The following RBFOX1 variants were observed in gnomAD, a reference collection of about 807,000 sequenced individuals.
RBFOX1 encodes RNA binding fox-1 homolog 1, also known as RNA binding protein fox-1 homolog 1.
Under a neutral mutation model 57.7 loss-of-function variants are expected in RBFOX1, and 8 were observed. That is an observed-to-expected ratio of 0.14 (90% CI 0.08 to 0.25). RBFOX1 has a LOEUF of 0.25. RBFOX1 is among the 10% of genes least tolerant of loss of function. The probability of loss-of-function intolerance (pLI) is 1.00; values close to 1 mark genes in which losing one functional copy is unlikely to be tolerated. For missense variants in RBFOX1, 611 were observed against 548.5 expected, an observed-to-expected ratio of 1.11 and a Z score of -1.14; for synonymous variants, 326 against 222.4, an observed-to-expected ratio of 1.47 and a Z score of -4.15.
intron 3 of RBFOX1, among the ~76,000 whole-genome samples, chr16:5,752,003 G>A (rs776280691): frequency 3.9e-5 from 6 of 152,136 alleles, no homozygotes; most frequent in African/African-American, 7.2e-5. Flanking sequence ...ATTCACAATA[G>A]CAAAGACATG....
intron 1 of RBFOX1, among the ~76,000 whole-genome samples, chr16:6,119,910 C>G (rs550336485): frequency 2.0e-5 from 3 of 152,308 alleles, no homozygotes; most frequent in African/African-American, 7.2e-5. Context: ...TAGAAGGAGA[C>G]CCTGTATCCA....
chr16:6,533,585 T>TC (rs112011723), intron 2 of RBFOX1, among the ~76,000 whole-genome samples: 3,575 of 146,730 alleles, frequency 0.024, 68 homozygotes, highest in African/African-American at 0.056. Flanking sequence ...AGTCAAGTGA[T>TC]TTTTTTTTTT....
chr16:6,718,327 C>A (rs1197946845), intron 3 of RBFOX1, among the ~76,000 whole-genome samples: 1 of 152,142 alleles, frequency 6.6e-6, no homozygotes, highest in East Asian at 1.9e-4. Flanking sequence ...TTAGTAAATA[C>A]ACTACAACTT....
intron 3 of RBFOX1, among the ~76,000 whole-genome samples, chr16:6,808,080 C>T (rs983620064): frequency 6.7e-6 from 1 of 148,850 alleles, no homozygotes; most frequent in African/African-American, 2.5e-5. Context: ...TATATATAAT[C>T]ATACTCAATA....
Position 6,393,095 on chromosome 16 carries a change from T to C in RBFOX1, c.-64+76038T>C, listed in dbSNP as rs78623781. Among the ~76,000 whole-genome samples the C allele has an allele frequency of 3.9e-4, 60 of 152,350 alleles. No individual in the cohort carries two copies. The East Asian group carries it at 7.3e-3, about 19-fold the overall frequency. On this transcript the variant is annotated intron_variant, in intron 2 of 15. Transcript: ENST00000550418. Reference sequence around the variant, plus strand: ...CATACTTACACTTTCCTTTGAAATTTGTGTTTGGGAGGCTTTAACTATGAG... The same window carrying C: ...CATACTTACACTTTCCTTTGAAATTCGTGTTTGGGAGGCTTTAACTATGAG...
In RBFOX1 at chr16:5,759,370, G is replaced by T. The variant is rs190161817; in HGVS notation, c.319-107933G>T. Among the ~76,000 whole-genome samples the T allele has an allele frequency of 7.8e-4, 119 of 152,204 alleles. 1 individual carries two copies. The highest frequency in any genetic ancestry group is 2.6e-3 in the African/African-American group (110 of 41,528). On this transcript the variant is annotated intron_variant, in intron 3 of 19. Transcript: ENST00000641259. Reference sequence around the variant, plus strand: ...TTCTGATGCTTGTATTTCCTTGGTGGATCCTCCTCCACGTCTCTCACCACC... The same window carrying T: ...TTCTGATGCTTGTATTTCCTTGGTGTATCCTCCTCCACGTCTCTCACCACC...
At chr16:5,581,303 G>C (rs2077137) in intron 2 of RBFOX1, among the ~76,000 whole-genome samples, 150,020 of 152,364 alleles carry the variant, frequency 0.98, 73,872 homozygotes, top group East Asian at 1. Flanking sequence ...GGCGGAGACA[G>C]AGGTCCTAAC....
chr16:6,900,655 C>T (rs2068241925), intron 3 of RBFOX1, among the ~76,000 whole-genome samples: 2 of 152,206 alleles, frequency 1.3e-5, no homozygotes, highest in South Asian at 2.1e-4. Flanking sequence ...CCCTTCTTGA[C>T]CTCGTCCCAC....
intron 3 of RBFOX1, among the ~76,000 whole-genome samples, chr16:5,635,888 A>C (rs916918056): frequency 6.6e-6 from 1 of 152,176 alleles, no homozygotes; most frequent in Non-Finnish European, 1.5e-5. Flanking sequence ...CCAGCTAGAC[A>C]GGTCTAGGAT....
chr16:6,513,847 C>G (rs1223465700), intron 2 of RBFOX1, among the ~76,000 whole-genome samples: 2 of 152,142 alleles, frequency 1.3e-5, no homozygotes, highest in East Asian at 3.9e-4. Context: ...GGAGTGTTCT[C>G]ATTGGTTTGG....
At chr16:6,628,078 C>G (rs2098333965) in intron 2 of RBFOX1, among the ~76,000 whole-genome samples, 1 of 152,192 alleles carries the variant, frequency 6.6e-6, no homozygotes, top group Non-Finnish European at 1.5e-5. Flanking sequence ...CCCAGCCAGG[C>G]TCCCTTCTCT....
At chr16:6,340,323 G>A (rs886424865) in intron 2 of RBFOX1, among the ~76,000 whole-genome samples, 4 of 152,090 alleles carry the variant, frequency 2.6e-5, no homozygotes, top group African/African-American at 4.8e-5. Flanking sequence ...TGGTGTTACC[G>A]AAAATGGGTT....
chr16:7,265,958 GTTTTTGTTTTTTTT>G (rs992577066), intron 4 of RBFOX1, among the ~76,000 whole-genome samples: 19 of 107,604 alleles, frequency 1.8e-4, no homozygotes, highest in African/African-American at 5.5e-4. Context: ...GATCTGGTGG[GTTTTTGTTTTTTTT>G]TTTTTTTTTT....
rs539798158 is a variant in RBFOX1 at position 5,251,331 on chromosome 16, T to C, written c.219+11226T>C. ...TCCTAGAGCTGCCATGAGGGTTCAG[T>C]GAGATCACTGTTGACAGCACGTTCA... is the stretch of plus-strand genomic sequence containing the variant. On this transcript the variant is annotated intron_variant, in intron 1 of 2. Transcript: ENST00000585867. Among the ~76,000 whole-genome samples, 3 of 152,378 alleles carry C rather than the reference T, an allele frequency of 2.0e-5. No homozygotes were observed. The South Asian group carries it at 6.2e-4, about 32-fold the overall frequency.
intron 2 of RBFOX1, chr16:6,576,925 C>A (rs756546666): frequency 2.6e-5 from 4 of 152,182 alleles, no homozygotes; most frequent in Admixed American, 2.0e-4. Flanking sequence ...AGATAAAGAA[C>A]CTGTAAAGAA....
intron 4 of RBFOX1, among the ~76,000 whole-genome samples, chr16:7,393,073 C>T (rs1487597937): frequency 2.0e-5 from 3 of 152,108 alleles, no homozygotes; most frequent in Admixed American, 6.5e-5. Flanking sequence ...AGGGTTTCAC[C>T]ATGTTGGCCA....
intron 2 of RBFOX1, among the ~76,000 whole-genome samples, chr16:5,514,150 A>G (rs1392835250): frequency 6.6e-6 from 1 of 152,166 alleles, no homozygotes; most frequent in African/African-American, 2.4e-5. Context: ...AGCAGCAAGC[A>G]TCAGATTATC....
chr16:7,012,701 C>A (rs1379003750), intron 3 of RBFOX1, among the ~76,000 whole-genome samples: 2 of 152,108 alleles, frequency 1.3e-5, no homozygotes, highest in Non-Finnish European at 2.9e-5. Context: ...CAAAGGGAGG[C>A]CAGAGTGACT....
At chr16:7,066,428 A>C (rs545808619) in intron 4 of RBFOX1, among the ~76,000 whole-genome samples, 4 of 152,360 alleles carry the variant, frequency 2.6e-5, no homozygotes, top group African/African-American at 7.2e-5. Context: ...CTTTGGGGTT[A>C]GACCTAGCAT....
Sources: allele counts gnomAD v4.1 joint callset (sites outside exome capture counted in the v4.1 genomes callset), GRCh38; gene constraint gnomAD v4.1.1; transcripts MANE v1.5; gene names NCBI Gene and HGNC (gene_info 2026-07-23, HGNC 2026-07-21).